The following PDE10A variants were observed in gnomAD, a reference collection of about 807,000 sequenced individuals.
PDE10A encodes cAMP and cAMP-inhibited cGMP 3',5'-cyclic phosphodiesterase 10A.
In PDE10A, 39 loss-of-function variants were observed where a neutral mutation model predicts 97.7. The ratio of observed to expected loss-of-function variants is 0.40; its 90% confidence interval spans 0.31 to 0.52. PDE10A has a LOEUF of 0.52. PDE10A is among the 20% of genes least tolerant of loss of function. The pLI, the probability that PDE10A is intolerant of heterozygous loss-of-function variation, is 0.56. For synonymous variants in PDE10A, 371 were observed against 376.8 expected, an observed-to-expected ratio of 0.98 and a Z score of 0.18; for missense variants, 731 against 1,047.8, an observed-to-expected ratio of 0.70 and a Z score of 4.17.
intron 1 of PDE10A, among the ~76,000 whole-genome samples, chr6:165,937,956 T>TA (rs897125634): frequency 3.0e-4 from 45 of 151,758 alleles, no homozygotes; most frequent in East Asian, 1.4e-3. Flanking sequence ...CAATAAATGT[T>TA]AAAAAAAAAT....
At chr6:165,371,371 C>T (rs962095653) in intron 18 of PDE10A, among the ~76,000 whole-genome samples, 17 of 151,974 alleles carry the variant, frequency 1.1e-4, no homozygotes, top group African/African-American at 3.4e-4. Flanking sequence ...ATCAAATAGA[C>T]GCAATAAAAA....
chr6:165,875,026 G>T (rs1262682772), intron 1 of PDE10A, among the ~76,000 whole-genome samples: 2 of 152,144 alleles, frequency 1.3e-5, no homozygotes, highest in Non-Finnish European at 2.9e-5. Flanking sequence ...TTGAAGCAAA[G>T]AAATGTGCAC....
At chr6:165,830,299 C>T (rs137913188) in intron 1 of PDE10A, among the ~76,000 whole-genome samples, 67 of 152,354 alleles carry the variant, frequency 4.4e-4, no homozygotes, top group African/African-American at 1.6e-3. Flanking sequence ...TACCACCCAC[C>T]GCTTTCCTTT....
chr6:165,805,229 C>A (rs1038216560), intron 1 of PDE10A, among the ~76,000 whole-genome samples: 4 of 152,008 alleles, frequency 2.6e-5, no homozygotes, highest in African/African-American at 9.7e-5. Context: ...ACCCACTGTG[C>A]GCCCTGGACG....
At chr6:165,728,163 A>G (rs1362135843) in intron 1 of PDE10A, among the ~76,000 whole-genome samples, 4 of 152,192 alleles carry the variant, frequency 2.6e-5, no homozygotes, top group Non-Finnish European at 5.9e-5. Flanking sequence ...CTCCTCCCAG[A>G]AGTGAAATGT....
intron 1 of PDE10A, among the ~76,000 whole-genome samples, chr6:165,879,883 A>G (rs1275866983): frequency 6.6e-6 from 1 of 150,600 alleles, no homozygotes; most frequent in Non-Finnish European, 1.5e-5. Context: ...GTGTCTCCAA[A>G]TTAGGTCACA....
At chr6:165,630,527 T>C (rs1268080381) in intron 1 of PDE10A, among the ~76,000 whole-genome samples, 1 of 152,132 alleles carries the variant, frequency 6.6e-6, no homozygotes, top group Non-Finnish European at 1.5e-5. Flanking sequence ...TCCCATACCA[T>C]TTAAAAGTAG....
intron 1 of PDE10A, among the ~76,000 whole-genome samples, chr6:165,899,943 G>C (rs187748883): frequency 6.6e-6 from 1 of 152,180 alleles, no homozygotes; most frequent in African/African-American, 2.4e-5. Flanking sequence ...ATTTTCACTG[G>C]CCCTTCAGAG....
At chr6:165,982,113 T>C (rs1450152104) in intron 1 of PDE10A, among the ~76,000 whole-genome samples, 1 of 152,234 alleles carries the variant, frequency 6.6e-6, no homozygotes, top group Non-Finnish European at 1.5e-5. Context: ...GGTAGAGTTA[T>C]GTGGTTATTG....
At chr6:165,360,056 T>G (rs1309908869) in intron 18 of PDE10A, among the ~76,000 whole-genome samples, 2 of 152,216 alleles carry the variant, frequency 1.3e-5, no homozygotes, top group African/African-American at 4.8e-5. Context: ...GTTAGGAGAA[T>G]CAAGTATTGT....
At chr6:165,933,086 T>C (rs1328653072) in intron 1 of PDE10A, among the ~76,000 whole-genome samples, 1 of 151,900 alleles carries the variant, frequency 6.6e-6, no homozygotes, top group Non-Finnish European at 1.5e-5. Flanking sequence ...ACATTAGGAG[T>C]CTTCCTTGGG....
intron 1 of PDE10A, among the ~76,000 whole-genome samples, chr6:165,968,845 C>T (rs1784590658): frequency 6.6e-6 from 1 of 152,184 alleles, no homozygotes; most frequent in Non-Finnish European, 1.5e-5. Flanking sequence ...AAGGCAGAGC[C>T]TGTAGGGCCC....
intron 1 of PDE10A, among the ~76,000 whole-genome samples, chr6:165,551,998 C>T (rs987222490): frequency 3.3e-5 from 5 of 152,060 alleles, no homozygotes; most frequent in South Asian, 2.1e-4. Context: ...CCATGGTCTT[C>T]GCTGCTATCT....
intron 1 of PDE10A, among the ~76,000 whole-genome samples, chr6:165,907,402 T>C (rs1026021594): frequency 2.0e-5 from 3 of 152,222 alleles, no homozygotes; most frequent in African/African-American, 7.2e-5. Flanking sequence ...GCAGCTGCCC[T>C]TCCCGGGAGC....
intron 1 of PDE10A, among the ~76,000 whole-genome samples, chr6:165,861,711 CG>C (rs1416852442): frequency 6.6e-6 from 1 of 151,858 alleles, no homozygotes; most frequent in African/African-American, 2.4e-5. Flanking sequence ...AAGGGAGTGA[CG>C]GGTTGGCATG....
At chr6:165,866,104 G>A (rs77691204) in intron 1 of PDE10A, among the ~76,000 whole-genome samples, 274 of 151,996 alleles carry the variant, frequency 1.8e-3, no homozygotes, top group African/African-American at 6.3e-3. Context: ...AAATGTAAGT[G>A]GTTTAAATCC....
intron 1 of PDE10A, among the ~76,000 whole-genome samples, chr6:165,679,962 T>A (rs1790930987): frequency 6.6e-6 from 1 of 151,960 alleles, no homozygotes; most frequent in African/African-American, 2.4e-5. Flanking sequence ...TTGGGGTACC[T>A]ATGGTGGGTG....
At chr6:165,637,315 T>C (rs1223328316) in intron 1 of PDE10A, among the ~76,000 whole-genome samples, 1 of 152,078 alleles carries the variant, frequency 6.6e-6, no homozygotes, top group Non-Finnish European at 1.5e-5. Flanking sequence ...TATACCATAC[T>C]AGGATGTGGC....
At chr6:165,774,253 T>A (rs953880228) in intron 1 of PDE10A, among the ~76,000 whole-genome samples, 1 of 152,082 alleles carries the variant, frequency 6.6e-6, no homozygotes, top group African/African-American at 2.4e-5. Context: ...TCATTTTAAT[T>A]CCATTCTGAA....
Sources: gnomAD v4.1 joint callset for allele counts (sites outside exome capture counted in the v4.1 genomes callset) on GRCh38, gnomAD v4.1.1 for gene constraint, MANE v1.5 for transcripts, NCBI Gene and HGNC (gene_info 2026-07-23, HGNC 2026-07-21) for gene names.